N4BP1: variants seen among roughly 807,000 people sequenced by gnomAD.
N4BP1 encodes NEDD4-binding protein 1.
N4BP1 carries 21 observed loss-of-function variants against 70.9 expected under a neutral mutation model. The ratio of observed to expected loss-of-function variants is 0.30; its 90% CI spans 0.21 to 0.43. The LOEUF (loss-of-function observed/expected upper bound fraction) is 0.43. Ranked by LOEUF, N4BP1 falls within the 20% of genes least tolerant of loss-of-function variation. The probability of loss-of-function intolerance (pLI) is 1.00; values close to 1 mark genes in which losing one functional copy is unlikely to be tolerated. For synonymous variants in N4BP1, 387 were observed against 394.6 expected, an observed-to-expected ratio of 0.98 and a Z score of 0.23; for missense variants, 936 against 1,069.4, an observed-to-expected ratio of 0.88 and a Z score of 1.74.
intron 3 of N4BP1, among the ~76,000 whole-genome samples, 181 bp downstream of exon 3, chr16:48,553,358 G>A (rs1381452359): frequency 1.3e-5 from 2 of 152,154 alleles, no homozygotes; most frequent in Non-Finnish European, 2.9e-5. Context: ...CTACCTCCTA[G>A]TATTTGTGAT....
At chr16:48,552,835 G>A (rs1052226515) in intron 3 of N4BP1, among the ~76,000 whole-genome samples, 1 of 149,846 alleles carries the variant, frequency 6.7e-6, no homozygotes, top group South Asian at 2.1e-4. Flanking sequence ...TCTTCAAAAT[G>A]GGGGAAGTTG....
At chr16:48,599,425 C>T (rs1348102426) in intron 1 of N4BP1, among the ~76,000 whole-genome samples, 1 of 152,204 alleles carries the variant, frequency 6.6e-6, no homozygotes, top group Non-Finnish European at 1.5e-5. Flanking sequence ...TTAGAGTCCA[C>T]ATAAGCAGGA....
intron 1 of N4BP1, among the ~76,000 whole-genome samples, chr16:48,590,881 A>G (rs930233211): frequency 2.0e-5 from 3 of 151,856 alleles, no homozygotes; most frequent in African/African-American, 7.3e-5. Context: ...CTCCTTAATT[A>G]GTAGGAAGAG....
intron 1 of N4BP1, among the ~76,000 whole-genome samples, chr16:48,576,952 G>A (rs1294331118): frequency 6.6e-6 from 1 of 152,162 alleles, no homozygotes; most frequent in Admixed American, 6.5e-5. Context: ...AGGTTAGAGT[G>A]CAGAGGTGTG....
Position 48,540,597 on chromosome 16 carries a change from C to G in N4BP1, c.*2307G>C, listed in dbSNP as rs1159809055. On this transcript the variant is annotated 3_prime_UTR_variant, in exon 7 of 7. Transcript: ENST00000262384. ...GGAAGAATGTAGGCCCAGGAATCAC[C>G]CAGCCCCTCAGGACAACCTCTCTGA... is the stretch of plus-strand genomic sequence containing the variant. The G allele has an allele frequency of 1.3e-5, 2 of 152,382 alleles. No homozygotes were observed. Among genetic ancestry groups the G allele is most frequent in the Non-Finnish European group, 2.9e-5 (2 of 68,138 alleles). 9.4% of individuals were successfully genotyped at this position (152,382 alleles called of 1,614,324 possible).
chr16:48,551,856 TA>T (rs1432470341), intron 3 of N4BP1, among the ~76,000 whole-genome samples: 1 of 152,108 alleles, frequency 6.6e-6, no homozygotes, highest in East Asian at 1.9e-4. Context: ...CTGTCTCTAC[TA>T]AAAATACAAA....
chr16:48,588,460 A>G (rs1964281119), intron 1 of N4BP1, among the ~76,000 whole-genome samples: 1 of 151,856 alleles, frequency 6.6e-6, no homozygotes, highest in African/African-American at 2.4e-5. Flanking sequence ...ATGCCTGGCT[A>G]ATTTTTGTAT....
chr16:48,579,858 GAAGA>G (rs1273169865), intron 1 of N4BP1, among the ~76,000 whole-genome samples: 2 of 151,980 alleles, frequency 1.3e-5, no homozygotes, highest in East Asian at 3.9e-4. Context: ...AAAACTATTA[GAAGA>G]AACAAAGTCA....
intron 1 of N4BP1, among the ~76,000 whole-genome samples, chr16:48,592,578 CTAGCT>C (rs1186227419): frequency 6.6e-6 from 1 of 152,136 alleles, no homozygotes; most frequent in African/African-American, 2.4e-5. Flanking sequence ...CTCTAATTAA[CTAGCT>C]TAAAGAAAAA....
intron 1 of N4BP1, among the ~76,000 whole-genome samples, chr16:48,565,191 TA>T (rs1378536039): frequency 1.3e-5 from 2 of 152,198 alleles, no homozygotes; most frequent in African/African-American, 4.8e-5. Context: ...AGTACAGCAC[TA>T]TGTTGGCGAG....
intron 1 of N4BP1, among the ~76,000 whole-genome samples, chr16:48,588,796 C>G (rs1361123304): frequency 6.6e-6 from 1 of 152,154 alleles, no homozygotes; most frequent in Non-Finnish European, 1.5e-5. Flanking sequence ...GGCTACCATA[C>G]TGGTTTGTGC....
intron 1 of N4BP1, among the ~76,000 whole-genome samples, chr16:48,592,478 T>C (rs1310395475): frequency 6.6e-6 from 1 of 152,202 alleles, no homozygotes; most frequent in Non-Finnish European, 1.5e-5. Context: ...AAGCCAGTAA[T>C]CCAACTTAAG....
intron 1 of N4BP1, among the ~76,000 whole-genome samples, chr16:48,594,327 T>C (rs1964380260): frequency 6.6e-6 from 1 of 152,190 alleles, no homozygotes. Flanking sequence ...GAATGACTTA[T>C]GGTGACCTGG....
intron 1 of N4BP1, among the ~76,000 whole-genome samples, chr16:48,568,201 G>A (rs1963969012): frequency 6.6e-6 from 1 of 152,138 alleles, no homozygotes; most frequent in African/African-American, 2.4e-5. Context: ...GCAAATGTAA[G>A]TAGTAAATTC....
chr16:48,554,890 T>C (rs1365636977), intron 2 of N4BP1, among the ~76,000 whole-genome samples: 1 of 152,244 alleles, frequency 6.6e-6, no homozygotes, highest in Non-Finnish European at 1.5e-5. Flanking sequence ...TCAAAGGCAC[T>C]GTCCTACACT....
intron 1 of N4BP1, among the ~76,000 whole-genome samples, chr16:48,580,768 C>T (rs1597105000): frequency 2.0e-5 from 3 of 152,258 alleles, no homozygotes; most frequent in African/African-American, 7.2e-5. Context: ...AAAAAAATTA[C>T]ATTTGTCCTG....
chr16:48,554,340 A>T (rs1963721094), intron 2 of N4BP1, among the ~76,000 whole-genome samples: 1 of 152,190 alleles, frequency 6.6e-6, no homozygotes, highest in Non-Finnish European at 1.5e-5. Flanking sequence ...GTGTGCGGCT[A>T]TGTTCCACAT....
At chr16:48,608,170 GT>G (rs1567449909) in intron 1 of N4BP1, among the ~76,000 whole-genome samples, 1 of 152,124 alleles carries the variant, frequency 6.6e-6, no homozygotes, top group Non-Finnish European at 1.5e-5. Flanking sequence ...ACTATTAATG[GT>G]TTTTTTCCGA....
chr16:48,559,410 T>C (rs965739366), intron 2 of N4BP1, among the ~76,000 whole-genome samples: 1 of 152,226 alleles, frequency 6.6e-6, no homozygotes, highest in African/African-American at 2.4e-5. Flanking sequence ...CCAGGTGTCC[T>C]GTTTCTTGAA....
Sources: allele counts gnomAD v4.1 joint callset (sites outside exome capture counted in the v4.1 genomes callset), GRCh38; gene constraint gnomAD v4.1.1; transcripts MANE v1.5; gene names NCBI Gene and HGNC (gene_info 2026-07-23, HGNC 2026-07-21).